The following TMEM108 variants were observed in gnomAD, a reference collection of about 807,000 sequenced individuals.
TMEM108 encodes the protein cancer/testis antigen 124.
Under a neutral mutation model 35.1 loss-of-function variants are expected in TMEM108, and 12 were observed. The observed-to-expected ratio is 0.34, with a 90% confidence interval of 0.22 to 0.55. TMEM108 has a LOEUF of 0.55. Among genes scored for constraint, TMEM108 ranks in the 20% least tolerant of loss-of-function variants. The pLI is 0.89. For synonymous variants in TMEM108, 287 were observed against 308.6 expected, an observed-to-expected ratio of 0.93 and a Z score of 0.73; for missense variants, 680 against 753.3, an observed-to-expected ratio of 0.90 and a Z score of 1.14.
intron 3 of TMEM108, among the ~76,000 whole-genome samples, chr3:133,336,800 G>T (rs970327222): frequency 1.3e-5 from 2 of 151,940 alleles, no homozygotes; most frequent in Non-Finnish European, 2.9e-5. Context: ...CCTGCCTTGG[G>T]CCAGAGGGGA....
intron 2 of TMEM108, among the ~76,000 whole-genome samples, chr3:133,168,366 C>G (rs1364308905): frequency 6.6e-6 from 1 of 152,096 alleles, no homozygotes; most frequent in Non-Finnish European, 1.5e-5. Context: ...GGCCTTCTTG[C>G]TACATCTTCA....
At chr3:133,219,401 G>T (rs1397259600) in intron 2 of TMEM108, among the ~76,000 whole-genome samples, 1 of 151,370 alleles carries the variant, frequency 6.6e-6, no homozygotes, top group East Asian at 1.9e-4. Flanking sequence ...GGCTTAATTT[G>T]TTCTTTTATT....
At chr3:133,069,176 C>T (rs748260630) in intron 2 of TMEM108, among the ~76,000 whole-genome samples, 1 of 152,172 alleles carries the variant, frequency 6.6e-6, no homozygotes, top group Non-Finnish European at 1.5e-5. Flanking sequence ...GAGCCGATGG[C>T]TCTGGTTTAG....
chr3:133,339,356 C>T (rs2071594496), intron 3 of TMEM108, among the ~76,000 whole-genome samples: 1 of 151,744 alleles, frequency 6.6e-6, no homozygotes, highest in African/African-American at 2.4e-5. Context: ...TAAGAAGAGA[C>T]AAAGAAGGTC....
chr3:133,084,712 A>T (rs1468652845), intron 2 of TMEM108, among the ~76,000 whole-genome samples: 2 of 152,214 alleles, frequency 1.3e-5, no homozygotes, highest in Non-Finnish European at 2.9e-5. Flanking sequence ...AAGGTGAGGA[A>T]CAAGAACTAT....
chr3:133,246,110 T>C (rs1191218445), intron 3 of TMEM108: 1 of 152,234 alleles, frequency 6.6e-6, no homozygotes, highest in African/African-American at 2.4e-5. Flanking sequence ...AAAATGTTTC[T>C]AGTGACTGAA....
intron 3 of TMEM108, among the ~76,000 whole-genome samples, chr3:133,316,649 C>G (rs2071203055): frequency 6.6e-6 from 1 of 152,222 alleles, no homozygotes; most frequent in South Asian, 2.1e-4. Context: ...TGGTCAAACT[C>G]TATACCTTAC....
chr3:133,074,206 T>C (rs531874782), intron 2 of TMEM108: 3 of 152,284 alleles, frequency 2.0e-5, no homozygotes, highest in Admixed American at 6.5e-5. Flanking sequence ...AATAGCATTT[T>C]ATTAGACTCC....
chr3:133,312,524 G>A (rs577733100), intron 3 of TMEM108, among the ~76,000 whole-genome samples: 3 of 152,374 alleles, frequency 2.0e-5, no homozygotes, highest in South Asian at 4.1e-4. Flanking sequence ...CTCTGTGGGT[G>A]TGGGACCCAC....
intron 3 of TMEM108, among the ~76,000 whole-genome samples, chr3:133,328,375 T>C (rs1330033598): frequency 6.6e-6 from 1 of 152,128 alleles, no homozygotes; most frequent in Non-Finnish European, 1.5e-5. Context: ...GTCGGGTTGG[T>C]GAGATCAGGC....
intron 2 of TMEM108, among the ~76,000 whole-genome samples, chr3:133,217,596 A>C (rs1164561076): frequency 6.6e-6 from 1 of 151,940 alleles, no homozygotes; most frequent in Non-Finnish European, 1.5e-5. Flanking sequence ...TTTGGAATTG[A>C]GTTTTATATA....
At chr3:133,371,186 T>C (rs2072657776) in intron 3 of TMEM108, among the ~76,000 whole-genome samples, 1 of 152,178 alleles carries the variant, frequency 6.6e-6, no homozygotes, top group African/African-American at 2.4e-5. Context: ...ACATGGATGG[T>C]ATTCCAGTTA....
chr3:133,327,201 A>G (rs940913436), intron 3 of TMEM108, among the ~76,000 whole-genome samples: 1 of 152,248 alleles, frequency 6.6e-6, no homozygotes, highest in Admixed American at 6.5e-5. Context: ...TTTATAAAGA[A>G]TGATTGAGAC....
At chr3:133,147,289 C>T (rs572890089) in intron 2 of TMEM108, among the ~76,000 whole-genome samples, 35 of 152,192 alleles carry the variant, frequency 2.3e-4, no homozygotes, top group African/African-American at 8.2e-4. Flanking sequence ...TTTCTTAATC[C>T]TGAGTTCTAA....
intron 3 of TMEM108, among the ~76,000 whole-genome samples, chr3:133,361,767 C>T (rs779349377): frequency 6.6e-6 from 1 of 152,112 alleles, no homozygotes; most frequent in Non-Finnish European, 1.5e-5. Flanking sequence ...TCTTTCATGA[C>T]CTGGGCTTGG....
chr3:133,354,584 A>G (rs1318087621), intron 3 of TMEM108, among the ~76,000 whole-genome samples: 2 of 152,160 alleles, frequency 1.3e-5, no homozygotes, highest in Non-Finnish European at 2.9e-5. Context: ...GTTTGGAGTA[A>G]GACAGACCTT....
chr3:133,118,535 T>C (rs1443459145), intron 2 of TMEM108, among the ~76,000 whole-genome samples: 1 of 152,208 alleles, frequency 6.6e-6, no homozygotes, highest in Non-Finnish European at 1.5e-5. Context: ...TAGCCACACC[T>C]GCCCCCAGTG....
rs550625339 is a variant in TMEM108 at position 133,093,200 on chromosome 3, A to T, written c.-47+47180A>T. 2.6e-5 allele frequency among the ~76,000 whole-genome samples: 4 copies of T among 152,288 alleles called. 1 individual carries two copies. Among genetic ancestry groups the T allele is most frequent in the African/African-American group, 9.6e-5 (4 of 41,576 alleles). ...GAGACGAGGTTTCACCATGTTGGCC[A>T]GGCTGGTCTCGAACTCCTGACCTCA... On this transcript the variant is annotated intron_variant, in intron 2 of 5. Transcript: ENST00000321871.
At chr3:133,248,770 G>A (rs1211528945) in intron 3 of TMEM108, among the ~76,000 whole-genome samples, 1 of 152,126 alleles carries the variant, frequency 6.6e-6, no homozygotes, top group African/African-American at 2.4e-5. Flanking sequence ...TTTTTGGTTA[G>A]CAGGCTCTGG....
Sources: gnomAD v4.1 joint callset for allele counts (sites outside exome capture counted in the v4.1 genomes callset) on GRCh38, gnomAD v4.1.1 for gene constraint, MANE v1.5 for transcripts, NCBI Gene and HGNC (gene_info 2026-07-23, HGNC 2026-07-21) for gene names.